PRKN: variants seen among roughly 807,000 people sequenced by gnomAD.
PRKN encodes the protein parkin RBR E3 ubiquitin protein ligase, also known as E3 ubiquitin-protein ligase parkin.
A neutral mutation model predicts 59.5 loss-of-function variants in PRKN; 56 were observed. That is an observed-to-expected ratio of 0.94 (90% CI 0.76 to 1.18). The LOEUF (loss-of-function observed/expected upper bound fraction) is 1.18. PRKN is among the 50% of genes most tolerant of loss of function. The pLI is 0.00. For missense variants in PRKN, 657 were observed against 596.4 expected (o/e 1.10, Z -1.06); for synonymous variants, 250 against 222.1 (o/e 1.13, Z -1.12).
At chr6:161,727,044 C>G (rs140587757) in intron 7 of PRKN, among the ~76,000 whole-genome samples, 1 of 152,094 alleles carries the variant, frequency 6.6e-6, no homozygotes, top group African/African-American at 2.4e-5. Flanking sequence ...CTGGACGAGG[C>G]GGATCTTTTC....
In PRKN at chr6:161,582,626, A is replaced by C. The variant is rs1484692238; in HGVS notation, c.872-13210T>G. Among the ~76,000 whole-genome samples, 1 of 151,906 alleles carries C rather than the reference A, an allele frequency of 6.6e-6. No individual in the cohort carries two copies. The highest frequency in any genetic ancestry group is 1.5e-5 in the Non-Finnish European group (1 of 67,962). Reference sequence around the variant, plus strand: ...GTAGTTTTAGTAGAGATGGGGTTTCACCATGTTAGCCAGGATGGTCTCGAT... The same window carrying C: ...GTAGTTTTAGTAGAGATGGGGTTTCCCCATGTTAGCCAGGATGGTCTCGAT... On this transcript the variant is annotated intron_variant, in intron 7 of 11. Coordinates refer to ENST00000366898, the MANE Select transcript of PRKN (RefSeq NM_004562.3). The surrounding 1 kb of genome is among the most constrained non-coding windows in gnomAD (Gnocchi z 4.4).
rs985434060 is a variant in PRKN at position 161,419,577 on chromosome 6, G to C, written c.1084-32700C>G. Among the ~76,000 whole-genome samples the C allele has an allele frequency of 6.6e-6, 1 of 150,626 alleles. No individual in the cohort carries two copies. The highest frequency in any genetic ancestry group is 1.5e-5 in the Non-Finnish European group (1 of 67,696). On this transcript the variant is annotated intron_variant, in intron 9 of 11. Transcript: ENST00000366898. The surrounding 1 kb of genome is among the most constrained non-coding windows in gnomAD (Gnocchi z 4.1). ...TAATTTTTGTATTTTTTTAAAAAAC[G>C]GGGTTTCACCATGTTGACCAGGCTG...
chr6:161,385,344 C>G lies in PRKN; in HGVS notation c.1167+1450G>C, dbSNP rs1465803006. Reference sequence around the variant, plus strand: ...ATTTGCAGACACAGTTCCCCCGATGCTGGACATCTATGGTTTAGGTCATCT... The same window carrying G: ...ATTTGCAGACACAGTTCCCCCGATGGTGGACATCTATGGTTTAGGTCATCT... On this transcript the variant is annotated intron_variant, in intron 10 of 11. Coordinates refer to ENST00000366898, the MANE Select transcript of PRKN (RefSeq NM_004562.3). The surrounding 1 kb of genome is among the most constrained non-coding windows in gnomAD (Gnocchi z 4.9). 1.3e-5 allele frequency among the ~76,000 whole-genome samples: 2 copies of G among 152,228 alleles called. No individual in the cohort carries two copies. The highest frequency in any genetic ancestry group is 2.9e-5 in the Non-Finnish European group (2 of 68,034).
chr6:162,335,833 C>A (rs1292973717), intron 2 of PRKN, among the ~76,000 whole-genome samples: 2 of 151,786 alleles, frequency 1.3e-5, no homozygotes, highest in African/African-American at 4.8e-5. Context: ...CCGAGTGAAG[C>A]GAGGGTGGCC....
chr6:162,033,813 T>C (rs1271922703), intron 5 of PRKN, among the ~76,000 whole-genome samples: 1 of 152,224 alleles, frequency 6.6e-6, no homozygotes, highest in African/African-American at 2.4e-5. Context: ...GTGTTTTCCT[T>C]CCATCTTTTC....
At chr6:161,870,464 A>G (rs1794298309) in intron 6 of PRKN, among the ~76,000 whole-genome samples, 1 of 152,166 alleles carries the variant, frequency 6.6e-6, no homozygotes, top group African/African-American at 2.4e-5. Context: ...CTCAAATCAA[A>G]CACACCTTAC....
intron 6 of PRKN, among the ~76,000 whole-genome samples, chr6:161,894,672 A>T (rs532832670): frequency 6.6e-6 from 1 of 152,334 alleles, no homozygotes; most frequent in South Asian, 2.1e-4. Flanking sequence ...CCTAAGTGAA[A>T]TTAGCCTTTC....
chr6:162,676,242 G>A (rs1028598627), intron 1 of PRKN, among the ~76,000 whole-genome samples: 2 of 152,076 alleles, frequency 1.3e-5, no homozygotes, highest in African/African-American at 4.8e-5. Flanking sequence ...ATAATGAAAT[G>A]ATGCCTTCAG....
intron 2 of PRKN, among the ~76,000 whole-genome samples, chr6:162,413,409 G>A (rs1188177562): frequency 3.3e-5 from 5 of 152,084 alleles, no homozygotes; most frequent in Non-Finnish European, 1.5e-5. Context: ...TGAGATTCTT[G>A]AAACATTTGT....
At position 161,824,113 on chromosome 6, in the gene PRKN, G is replaced by A. The variant is rs368835693; in HGVS notation, c.735-38205C>T. ...GTTTCAGTGTAAGCATGGCTTCCAA[G>A]GATCCTCCTCGCACAGACTGTGTCC... On this transcript the variant is annotated intron_variant, in intron 6 of 11. Transcript: ENST00000366898. Among the ~76,000 whole-genome samples, 4 of 152,282 alleles carry A rather than the reference G, an allele frequency of 2.6e-5. No individual in the cohort carries two copies. The East Asian group carries it at 5.8e-4, about 22-fold the overall frequency.
At chr6:162,421,295 C>A (rs1788950273) in intron 2 of PRKN, among the ~76,000 whole-genome samples, 1 of 152,124 alleles carries the variant, frequency 6.6e-6, no homozygotes, top group African/African-American at 2.4e-5. Flanking sequence ...CTCACAGCGC[C>A]CTGAAGATCA....
chr6:162,540,598 G>A (rs1244755439), intron 1 of PRKN, among the ~76,000 whole-genome samples: 2 of 151,914 alleles, frequency 1.3e-5, no homozygotes, highest in South Asian at 4.2e-4. Context: ...CCTGAGGTCA[G>A]GAGTTCGAGA....
In PRKN at chr6:162,552,216, G is replaced by A. The variant is rs577243630; in HGVS notation, c.8-108743C>T. Among the ~76,000 whole-genome samples, 3 of 152,304 alleles carry A rather than the reference G, an allele frequency of 2.0e-5. No individual in the cohort carries two copies. The South Asian group carries it at 6.2e-4, about 32-fold the overall frequency. On this transcript the variant is annotated intron_variant, in intron 1 of 11. Transcript: ENST00000366898. ...CCATAGGTGTGAGTCGGACAGCAAA[G>A]ACAGAGACCAGGCCAGTCATGGCTA...
At position 162,574,043 on chromosome 6, in the gene PRKN, G is replaced by A. The variant is rs143662698; in HGVS notation, c.8-130570C>T. ...CAGAACTGTGCTGAGGACGATGCCT[G>A]TGCATCTTGTTCCAGTGGCTATCTT... On this transcript the variant is annotated intron_variant, in intron 1 of 11. Transcript: ENST00000366898. Among the ~76,000 whole-genome samples the A allele has an allele frequency of 6.6e-5, 10 of 152,316 alleles. No homozygotes were observed. In the East Asian group the frequency reaches 1.9e-3, roughly 29 times the overall value.
Position 161,467,738 on chromosome 6 carries a change from G to C in PRKN, c.1084-80861C>G, listed in dbSNP as rs1476221681. ...CTCAGTAACAGAACACCAACTATGT[G>C]CCCAGCAAAATTCTACTTTTCCAGC... On this transcript the variant is annotated intron_variant, in intron 9 of 11. Coordinates refer to ENST00000366898, the MANE Select transcript of PRKN (RefSeq NM_004562.3). This position sits in a 1 kb window ranked among gnomAD's most constrained non-coding sequence, Gnocchi z 4.3. Among the ~76,000 whole-genome samples, 1 of 152,110 alleles carries C rather than the reference G, an allele frequency of 6.6e-6. No individual in the cohort carries two copies. Among genetic ancestry groups the C allele is most frequent in the African/African-American group, 2.4e-5 (1 of 41,414 alleles).
Position 161,369,396 on chromosome 6 carries a change from G to C in PRKN, c.1168-9191C>G, listed in dbSNP as rs1395672960. On this transcript the variant is annotated intron_variant, in intron 10 of 11. Coordinates refer to ENST00000366898, the MANE Select transcript of PRKN (RefSeq NM_004562.3). This position sits in a 1 kb window ranked among gnomAD's most constrained non-coding sequence, Gnocchi z 5.8. ...AGGTTTGGGAACCATTCATCCTCTG[G>C]AGGGCGATTCTCCCTTTGCGCCTGA... 6.6e-6 allele frequency among the ~76,000 whole-genome samples: 1 copy of C among 152,162 alleles called. No individual in the cohort carries two copies. Among genetic ancestry groups the C allele is most frequent in the African/African-American group, 2.4e-5 (1 of 41,436 alleles).
chr6:162,161,203 C>T (rs1269287212), intron 4 of PRKN, among the ~76,000 whole-genome samples: 4 of 152,166 alleles, frequency 2.6e-5, no homozygotes, highest in East Asian at 3.9e-4. Flanking sequence ...GGGCTGACCA[C>T]GTGAGCATTC....
At chr6:161,537,668 GTCTCGA>G (rs1377370951) in intron 9 of PRKN, among the ~76,000 whole-genome samples, 4 of 152,106 alleles carry the variant, frequency 2.6e-5, no homozygotes, top group Non-Finnish European at 4.4e-5. Context: ...AGCCTGGATG[GTCTCGA>G]TCTCCTGACC....
intron 6 of PRKN, among the ~76,000 whole-genome samples, chr6:161,928,646 T>C (rs1779056400): frequency 6.6e-6 from 1 of 152,206 alleles, no homozygotes; most frequent in South Asian, 2.1e-4. Flanking sequence ...GACGCCATAG[T>C]ATAGTATCTT....
Sources: allele counts gnomAD v4.1 joint callset (sites outside exome capture counted in the v4.1 genomes callset), GRCh38; gene constraint gnomAD v4.1.1; non-coding constraint Gnocchi (gnomAD v3.1); transcripts MANE v1.5; gene names NCBI Gene and HGNC (gene_info 2026-07-23, HGNC 2026-07-21).